Variants in UBFD1 observed in about 807,000 individuals in gnomAD.
UBFD1 encodes the protein ubiquitin domain-containing protein UBFD1.
UBFD1 carries 12 observed loss-of-function variants against 35.1 expected under a neutral mutation model. The ratio of observed to expected loss-of-function variants is 0.34; its 90% confidence interval spans 0.22 to 0.55. The LOEUF (loss-of-function observed/expected upper bound fraction) is 0.55, where lower values mean the gene tolerates loss of function less well. Among genes scored for constraint, UBFD1 ranks in the 20% least tolerant of loss-of-function variants. UBFD1 has a pLI of 0.89. For synonymous variants in UBFD1, 178 were observed against 167.6 expected (o/e 1.06, Z -0.48); for missense variants, 337 against 410.8 (o/e 0.82, Z 1.55).
chr16:23,558,579 G>A (rs1965868178), intron 2 of UBFD1, among the ~76,000 whole-genome samples: 1 of 152,078 alleles, frequency 6.6e-6, no homozygotes, highest in Non-Finnish European at 1.5e-5. Context: ...ACAGCTTCTG[G>A]GCCCTTTCCC....
At chr16:23,560,352 C>T (rs1260242379) in intron 3 of UBFD1, among the ~76,000 whole-genome samples, 1 of 152,134 alleles carries the variant, frequency 6.6e-6, no homozygotes, top group Non-Finnish European at 1.5e-5. Context: ...TTGTAAGAAT[C>T]ATTACTTGTT....
intron 5 of UBFD1, chr16:23,565,819 A>C: frequency 6.6e-6 from 1 of 151,582 alleles, no homozygotes; most frequent in Non-Finnish European, 1.5e-5. Context: ...GTTTTTTTCC[A>C]CTTGGTTTAG....
In UBFD1 at chr16:23,557,829, G is replaced by C. The variant is rs966499668; in HGVS notation, c.25+62G>C. 4.7e-6 allele frequency: 6 copies of C among 1,278,614 alleles called. No individual in the cohort carries two copies. The African/African-American group carries it at 7.8e-5, about 17-fold the overall frequency. 79.2% of individuals were successfully genotyped at this position (1,278,614 alleles called of 1,614,324 possible). A position where few individuals can be genotyped will look rare whatever the true frequency, so the allele number is the denominator to read the frequency against. On this transcript the variant is annotated intron_variant, in intron 1 of 6. Transcript: ENST00000395878. ...CTGAGGTTGCGGTCGCTCCTCTGGG[G>C]GATGCGGCCCGGCCCGGGAGGGAGA...
intron 3 of UBFD1, among the ~76,000 whole-genome samples, chr16:23,560,638 G>C (rs1965918284): frequency 6.6e-6 from 1 of 152,132 alleles, no homozygotes; most frequent in South Asian, 2.1e-4. Flanking sequence ...AGCAAAACCT[G>C]ACCAGAATTA....
chr16:23,557,818 G>A (rs371865737), intron 1 of UBFD1, 51 bp downstream of exon 1: 6 of 1,273,214 alleles, frequency 4.7e-6, no homozygotes, highest in East Asian at 3.1e-5. Context: ...GGTTGCGGTC[G>A]CTCCTCTGGG....
chr16:23,567,414 A>G (rs1452908047), intron 6 of UBFD1, among the ~76,000 whole-genome samples: 5 of 152,230 alleles, frequency 3.3e-5, no homozygotes, highest in African/African-American at 4.8e-5. Flanking sequence ...GATTTTCATT[A>G]TAAGTTTTAT....
intron 3 of UBFD1, among the ~76,000 whole-genome samples, chr16:23,560,209 A>G (rs748243828): frequency 7.9e-5 from 12 of 152,198 alleles, no homozygotes; most frequent in Non-Finnish European, 1.3e-4. Context: ...TCTGTGAAAT[A>G]GGAGCTTGGT....
rs1444454168 is a variant in UBFD1, at chr16:23,562,407, G to T, written c.630+136G>T. 7 of 882,816 alleles carry T rather than the reference G, an allele frequency of 7.9e-6. No homozygotes were observed. The Admixed American group carries it at 8.5e-5, about 11-fold the overall frequency. The allele number at this position is 882,816 out of a possible 1,614,324, so 54.7% of individuals were successfully genotyped here. On this transcript the variant is annotated intron_variant, in intron 4 of 6. Coordinates refer to ENST00000395878, the MANE Select transcript of UBFD1 (RefSeq NM_019116.3). ...GACAGAGTCTTGCTCTGTCACCCAGGCTGGGGTGTGCCACCACACCTGGCT... is the reference window on the plus strand; with the variant it reads ...GACAGAGTCTTGCTCTGTCACCCAGTCTGGGGTGTGCCACCACACCTGGCT...
chr16:23,557,989 T>C lies in UBFD1; in HGVS notation c.65T>C (p.Val22Ala). 1 of 1,371,070 alleles carries C rather than the reference T, an allele frequency of 7.3e-7. No individual in the cohort carries two copies. Among genetic ancestry groups the C allele is most frequent in the Non-Finnish European group, 9.4e-7 (1 of 1,065,676 alleles). 84.9% of individuals were successfully genotyped at this position (1,371,070 alleles called of 1,614,324 possible). Residue 22 changes from valine (V) to alanine (A), a missense_variant, in exon 2 of 7, where the codon GTG becomes GCG. Transcript: ENST00000395878. Reference protein sequence around the residue: ...EPGMDTEAETVATEAPARPVN... With the variant: ...EPGMDTEAETAATEAPARPVN... ...GGCATGGACACGGAGGCCGAGACTG[T>C]GGCTACTGAGGCTCCCGCGCGGCCC... is the stretch of plus-strand genomic sequence containing the variant.
Position 23,558,041 on chromosome 16 carries a change from G to C in UBFD1, c.117G>C (p.Ala39=). The C allele has an allele frequency of 7.5e-7, 1 of 1,338,808 alleles. No homozygotes were observed. The highest frequency in any genetic ancestry group is 9.5e-7 in the Non-Finnish European group (1 of 1,048,502). 82.9% of individuals were successfully genotyped at this position (1,338,808 alleles called of 1,614,324 possible). Residue 39 remains alanine, a synonymous_variant, in exon 2 of 7, where the codon GCG becomes GCC. Coordinates refer to ENST00000395878, the MANE Select transcript of UBFD1 (RefSeq NM_019116.3). ...RPVNCLEAEA[A]AGAAAEDSGA... ...TCAACTGCCTGGAGGCTGAAGCCGC[G>C]GCGGGGGCGGCGGCCGAGGACTCCG...
intron 6 of UBFD1, among the ~76,000 whole-genome samples, chr16:23,570,122 C>G (rs1966063639): frequency 6.6e-6 from 1 of 152,146 alleles, no homozygotes; most frequent in African/African-American, 2.4e-5. Flanking sequence ...ACTGTGGTCC[C>G]TGGATCAGTA....
intron 3 of UBFD1, 190 bp downstream of exon 3, chr16:23,559,866 C>A (rs917775685): frequency 1.3e-6 from 2 of 1,533,912 alleles, no homozygotes; most frequent in Non-Finnish European, 1.7e-6. Flanking sequence ...TCTCATCTGG[C>A]GGGTCAGTGT....
Position 23,557,737 on chromosome 16 carries a change from A to G in UBFD1, c.-6A>G. 7.5e-7 allele frequency: 1 copy of G among 1,332,772 alleles called. No individual in the cohort carries two copies. Among genetic ancestry groups the G allele is most frequent in the South Asian group, 2.6e-5 (1 of 38,550 alleles). 82.6% of individuals were successfully genotyped at this position (1,332,772 alleles called of 1,614,324 possible). A position where few individuals can be genotyped will look rare whatever the true frequency, so the allele number is the denominator to read the frequency against. ...GCGGGAGCGGTGGGTGTTGTACACA[A>G]TCATCATGGCGGCGGCCGGGGCCCC... is the stretch of plus-strand genomic sequence containing the variant. On this transcript the variant is annotated 5_prime_UTR_variant, in exon 1 of 7. Coordinates refer to ENST00000395878, the MANE Select transcript of UBFD1 (RefSeq NM_019116.3).
rs377609082 is a variant in UBFD1 at position 23,568,415 on chromosome 16, C to T, written c.819+1346C>T. On this transcript the variant is annotated intron_variant, in intron 6 of 6. Coordinates refer to ENST00000395878, the MANE Select transcript of UBFD1 (RefSeq NM_019116.3). ...CCTGGCGATCCGCCCACCTCAGCCT[C>T]CCAAAGTGCTGGGGTTACAGGCGTG... Among the ~76,000 whole-genome samples the T allele has an allele frequency of 3.3e-5, 5 of 151,666 alleles. No homozygotes were observed. In the East Asian group the frequency reaches 7.9e-4, roughly 24 times the overall value.
In UBFD1 at chr16:23,562,706, G is replaced by A; in HGVS notation, c.712G>A (p.Asp238Asn). Residue 238 changes from aspartate (D) to asparagine (N), a missense_variant, in exon 5 of 7, where the codon GAC becomes AAC. This residue lies in a region of UBFD1 where 71 missense variants were observed against 149.6 expected (regional missense o/e 0.47). Coordinates refer to ENST00000395878, the MANE Select transcript of UBFD1 (RefSeq NM_019116.3). ...KVRLTFKLEQ[D>N]QLWIGTKERT... is the part of the protein sequence containing the mutation. ...GAGACTCACCTTTAAACTAGAACAA[G>A]ACCAGCTGTGGATTGGCACTAAAGG... The A allele has an allele frequency of 6.2e-7, 1 of 1,614,128 alleles. No homozygotes were observed. Among genetic ancestry groups the A allele is most frequent in the Non-Finnish European group, 8.5e-7 (1 of 1,180,028 alleles).
At chr16:23,567,131 C>T in intron 6 of UBFD1, 62 bp downstream of exon 6, 1 of 1,487,248 alleles carries the variant, frequency 6.7e-7, no homozygotes, top group Non-Finnish European at 9.3e-7. Flanking sequence ...TGGCAGGGAA[C>T]AGTTTTAACT....
At chr16:23,570,031 G>C (rs929957283) in intron 6 of UBFD1, among the ~76,000 whole-genome samples, 1 of 152,186 alleles carries the variant, frequency 6.6e-6, no homozygotes, top group Non-Finnish European at 1.5e-5. Flanking sequence ...GGTTTTTGTG[G>C]TTTCAGACAG....
In UBFD1 at chr16:23,558,079, G is replaced by A. The variant is rs765196377; in HGVS notation, c.155G>A (p.Gly52Asp). Residue 52 changes from glycine to aspartate, a missense_variant, in exon 2 of 7, where the codon GGC becomes GAC. Coordinates refer to ENST00000395878, the MANE Select transcript of UBFD1 (RefSeq NM_019116.3). ...AAAEDSGAAR[G>D]SLQPAPAQPP... Reference sequence around the variant, plus strand: ...GCCGAGGACTCCGGCGCCGCACGAGGCAGCCTGCAGCCGGCCCCGGCCCAG... The same window carrying A: ...GCCGAGGACTCCGGCGCCGCACGAGACAGCCTGCAGCCGGCCCCGGCCCAG... The A allele has an allele frequency of 1.5e-5, 22 of 1,466,984 alleles. No homozygotes were observed. The highest frequency in any genetic ancestry group is 1.9e-5 in the Non-Finnish European group (21 of 1,114,382). 90.9% of individuals were successfully genotyped at this position (1,466,984 alleles called of 1,614,324 possible).
At chr16:23,564,255 T>C (rs1965979885) in intron 5 of UBFD1, among the ~76,000 whole-genome samples, 1 of 152,236 alleles carries the variant, frequency 6.6e-6, no homozygotes, top group Admixed American at 6.5e-5. Context: ...AGAGAGTTTT[T>C]AATCATCTAA....
Sources: gnomAD v4.1 joint callset for allele counts (sites outside exome capture counted in the v4.1 genomes callset) on GRCh38, gnomAD v4.1.1 for gene constraint, gnomAD v4.1.1 regional missense constraint, MANE v1.5 for transcripts, NCBI Gene and HGNC (gene_info 2026-07-23, HGNC 2026-07-21) for gene names.